NCAM2: variants seen among roughly 807,000 people sequenced by gnomAD.
NCAM2 encodes the protein neural cell adhesion molecule 2.
Under a neutral mutation model 98.1 loss-of-function variants are expected in NCAM2, and 30 were observed. The ratio of observed to expected loss-of-function variants is 0.31; its 90% CI spans 0.23 to 0.41. The LOEUF (loss-of-function observed/expected upper bound fraction) is 0.41. Ranked by LOEUF, NCAM2 falls within the 10% of genes least tolerant of loss-of-function variation. The pLI is 1.00. For synonymous variants in NCAM2, 368 were observed against 342.4 expected (o/e 1.07, Z -0.83); for missense variants, 867 against 1,005.8 (o/e 0.86, Z 1.87).
intron 1 of NCAM2, among the ~76,000 whole-genome samples, chr21:21,273,217 A>AT (rs1342730673): frequency 2.0e-5 from 3 of 152,304 alleles, no homozygotes; most frequent in Non-Finnish European, 2.9e-5. Flanking sequence ...TATCTACCTT[A>AT]TAGTAGTATC....
chr21:21,508,743 G>A lies in NCAM2; in HGVS notation c.2078-108G>A, dbSNP rs1988148787. 1.1e-5 allele frequency: 9 copies of A among 856,022 alleles called. No homozygotes were observed. In the South Asian group the frequency reaches 1.9e-4, roughly 19 times the overall value. The allele number at this position is 856,022 out of a possible 1,614,324, so 53.0% of individuals were successfully genotyped here. A position where few individuals can be genotyped will look rare whatever the true frequency, so the allele number is the denominator to read the frequency against. On this transcript the variant is annotated intron_variant, in intron 15 of 17. Transcript: ENST00000400546. ...TTCTGTCTCTTAAATTGAATTATTGGAAAAGATTTATTTTTAAAATAATCA... is the reference window on the plus strand; with the variant it reads ...TTCTGTCTCTTAAATTGAATTATTGAAAAAGATTTATTTTTAAAATAATCA...
At chr21:21,284,044 T>C in intron 2 of NCAM2, 150 bp from the exon 3 acceptor site, 1 of 637,272 alleles carries the variant, frequency 1.6e-6, no homozygotes, top group Non-Finnish European at 2.7e-6. Flanking sequence ...CATTTGTGTT[T>C]ACTTTAAGTT....
At chr21:21,080,626 A>AAG (rs2065774083) in intron 1 of NCAM2, among the ~76,000 whole-genome samples, 1 of 140,716 alleles carries the variant, frequency 7.1e-6, no homozygotes, top group Admixed American at 7.5e-5. Context: ...AAAAAAAAAA[A>AAG]GACTTCCTAA....
Position 21,174,820 on chromosome 21 carries a change from G to A in NCAM2, c.56-105758G>A, listed in dbSNP as rs569544781. Among the ~76,000 whole-genome samples, 32 of 152,100 alleles carry A rather than the reference G, an allele frequency of 2.1e-4. 1 individual carries two copies. The South Asian group carries it at 6.6e-3, about 32-fold the overall frequency. On this transcript the variant is annotated intron_variant, in intron 1 of 17. Transcript: ENST00000400546. ...AAGAGAGCTATCTTTAAATAGAAAG[G>A]CCAGGGAAGGGTTAACTGAGAGGAT...
At chr21:21,247,296 G>A (rs1864577118) in intron 1 of NCAM2, among the ~76,000 whole-genome samples, 1 of 152,124 alleles carries the variant, frequency 6.6e-6, no homozygotes, top group South Asian at 2.1e-4. Flanking sequence ...TCCAGCTTGG[G>A]CGACAGAGCA....
At chr21:21,526,306 A>C (rs1011666581) in intron 16 of NCAM2, among the ~76,000 whole-genome samples, 1 of 152,144 alleles carries the variant, frequency 6.6e-6, no homozygotes, top group Non-Finnish European at 1.5e-5. Context: ...AAAATCAATT[A>C]ATATGCAAAA....
intron 5 of NCAM2, among the ~76,000 whole-genome samples, chr21:21,300,576 A>G (rs1249908111): frequency 2.0e-5 from 3 of 152,012 alleles, no homozygotes; most frequent in Non-Finnish European, 4.4e-5. Flanking sequence ...ACTTGAAATT[A>G]TCCATTTATG....
chr21:21,429,119 G>T (rs12482581), intron 11 of NCAM2, among the ~76,000 whole-genome samples: 6 of 152,212 alleles, frequency 3.9e-5, no homozygotes, highest in Admixed American at 3.9e-4. Flanking sequence ...ATAGAAATAA[G>T]AGGCCAGTGG....
At chr21:21,085,637 T>A (rs530681542) in intron 1 of NCAM2, among the ~76,000 whole-genome samples, 2 of 152,236 alleles carry the variant, frequency 1.3e-5, no homozygotes, top group South Asian at 4.1e-4. Flanking sequence ...CTATGCGCCC[T>A]TTCTGCTAGG....
intron 1 of NCAM2, among the ~76,000 whole-genome samples, chr21:21,035,390 A>T (rs1343092696): frequency 6.6e-6 from 1 of 152,198 alleles, no homozygotes; most frequent in East Asian, 1.9e-4. Flanking sequence ...GTAGAGAGAA[A>T]GGTAAATGTT....
intron 1 of NCAM2, among the ~76,000 whole-genome samples, chr21:21,166,739 C>A (rs1460573738): frequency 6.6e-6 from 1 of 152,162 alleles, no homozygotes; most frequent in Non-Finnish European, 1.5e-5. Context: ...TGTGTGACCA[C>A]ATTGTTACGC....
intron 1 of NCAM2, among the ~76,000 whole-genome samples, chr21:21,278,379 G>A (rs757707931): frequency 2.0e-5 from 3 of 151,856 alleles, no homozygotes; most frequent in African/African-American, 7.3e-5. Flanking sequence ...TTCCACTTAA[G>A]CTAACTTCAA....
intron 1 of NCAM2, among the ~76,000 whole-genome samples, chr21:21,158,886 T>A (rs2067693959): frequency 6.6e-6 from 1 of 152,160 alleles, no homozygotes; most frequent in Admixed American, 6.6e-5. Context: ...CTTCTATTTA[T>A]AAAAGAGAAA....
chr21:21,490,527 A>G (rs1986761631), intron 15 of NCAM2, among the ~76,000 whole-genome samples: 1 of 151,940 alleles, frequency 6.6e-6, no homozygotes, highest in Non-Finnish European at 1.5e-5. Flanking sequence ...TAAAGAATGC[A>G]TAATAATGAG....
intron 1 of NCAM2, among the ~76,000 whole-genome samples, chr21:21,111,528 G>T (rs529417302): frequency 7.2e-5 from 11 of 152,082 alleles, no homozygotes; most frequent in African/African-American, 1.2e-4. Flanking sequence ...TCCAGAAGCC[G>T]AATGCAGGCA....
At chr21:21,305,406 C>T (rs1375028146) in intron 5 of NCAM2, among the ~76,000 whole-genome samples, 1 of 151,924 alleles carries the variant, frequency 6.6e-6, no homozygotes, top group Non-Finnish European at 1.5e-5. Flanking sequence ...TATGTTTTTC[C>T]ACTTTCGCTT....
At chr21:21,255,233 C>G (rs1191726222) in intron 1 of NCAM2, among the ~76,000 whole-genome samples, 1 of 152,152 alleles carries the variant, frequency 6.6e-6, no homozygotes, top group African/African-American at 2.4e-5. Flanking sequence ...TTGGAGTACA[C>G]TGGAACAGGC....
intron 1 of NCAM2, among the ~76,000 whole-genome samples, chr21:21,167,322 A>G (rs7275832): frequency 0.49 from 73,515 of 151,440 alleles, 18,323 homozygotes; most frequent in South Asian, 0.6. Context: ...GGATAATCCA[A>G]TATATCTGTT....
chr21:21,058,507 T>G (rs1273669410), intron 1 of NCAM2, among the ~76,000 whole-genome samples: 1 of 152,056 alleles, frequency 6.6e-6, no homozygotes, highest in Non-Finnish European at 1.5e-5. Flanking sequence ...CAAGGAAAAA[T>G]AAAAAGAAAC....
Sources: gnomAD v4.1 joint callset for allele counts (sites outside exome capture counted in the v4.1 genomes callset) on GRCh38, gnomAD v4.1.1 for gene constraint, MANE v1.5 for transcripts, NCBI Gene and HGNC (gene_info 2026-07-23, HGNC 2026-07-21) for gene names.